ERC1: variants seen among roughly 807,000 people sequenced by gnomAD.
The protein encoded by ERC1 is RAB6 interacting protein 2.
A neutral mutation model predicts 132.0 loss-of-function variants in ERC1; 56 were observed. The ratio of observed to expected loss-of-function variants is 0.42; its 90% CI spans 0.34 to 0.53. The LOEUF is 0.53. ERC1 is among the 20% of genes least tolerant of loss of function. The probability of loss-of-function intolerance (pLI) is 0.03; values close to 1 mark genes in which losing one functional copy is unlikely to be tolerated. For missense variants in ERC1, 1,202 were observed against 1,349.9 expected (o/e 0.89, Z 1.72); for synonymous variants, 478 against 476.1 (o/e 1.00, Z -0.05).
At chr12:1,368,931 G>A (rs1345495347) in intron 15 of ERC1, among the ~76,000 whole-genome samples, 3 of 152,128 alleles carry the variant, frequency 2.0e-5, no homozygotes, top group African/African-American at 7.2e-5. Context: ...AGTGTCAGGA[G>A]TATACGTTGT....
intron 14 of ERC1, among the ~76,000 whole-genome samples, chr12:1,280,590 T>G (rs16928342): frequency 0.029 from 4,390 of 152,274 alleles, 216 homozygotes; most frequent in African/African-American, 0.1. Context: ...AAGAAATTAT[T>G]ATCCCCACAA....
At chr12:1,117,621 G>A (rs1046396583) in intron 7 of ERC1, among the ~76,000 whole-genome samples, 2 of 152,146 alleles carry the variant, frequency 1.3e-5, no homozygotes, top group Admixed American at 6.5e-5. Flanking sequence ...CACTTTTCAC[G>A]TCTGTAAGGT....
chr12:1,006,700 C>CT (rs58641303), intron 1 of ERC1, among the ~76,000 whole-genome samples: 18,246 of 151,778 alleles, frequency 0.12, 1,651 homozygotes, highest in African/African-American at 0.25. Flanking sequence ...CTGGCCTTTT[C>CT]TTTTTTTATT....
intron 14 of ERC1, among the ~76,000 whole-genome samples, chr12:1,282,335 A>G (rs1052375946): frequency 3.3e-5 from 5 of 152,186 alleles, no homozygotes; most frequent in African/African-American, 1.2e-4. Context: ...AATGAGGATA[A>G]TAATACTTTA....
At chr12:1,131,981 A>G (rs1948809995) in intron 7 of ERC1, among the ~76,000 whole-genome samples, 2 of 152,220 alleles carry the variant, frequency 1.3e-5, no homozygotes, top group African/African-American at 4.8e-5. Flanking sequence ...TCCTCCTGCC[A>G]GGACTGGTGT....
chr12:1,464,757 C>T (rs989695291), intron 18 of ERC1, among the ~76,000 whole-genome samples: 2 of 151,666 alleles, frequency 1.3e-5, no homozygotes, highest in Non-Finnish European at 2.9e-5. Context: ...CTTGACCTCA[C>T]GATCTGCCCA....
intron 3 of ERC1, among the ~76,000 whole-genome samples, chr12:1,103,204 C>G (rs1445327390): frequency 6.6e-6 from 1 of 152,214 alleles, no homozygotes. Flanking sequence ...GAAGTGAAGT[C>G]TTCCCCTAGC....
At position 1,400,929 on chromosome 12, in the gene ERC1, T is replaced by A. The variant is rs1338099730; in HGVS notation, c.2926-7220T>A. The stretch of plus-strand genomic sequence containing the variant: ...GGCTATTTTTGTATTTTTTTTTTTT[T>A]TTTTTTTTTTTTTTTTTTTTTTTTG... On this transcript the variant is annotated intron_variant, in intron 16 of 18. Coordinates refer to ENST00000360905, the MANE Select transcript of ERC1 (RefSeq NM_178040.4). Among the ~76,000 whole-genome samples, 10 of 83,720 alleles carry A rather than the reference T, an allele frequency of 1.2e-4. 1 individual carries two copies. The highest frequency in any genetic ancestry group is 3.0e-4 in the African/African-American group (6 of 19,944). The allele number at this position is 83,720 out of a possible 152,430, so 54.9% of individuals were successfully genotyped here.
chr12:1,098,874 C>A lies in ERC1; in HGVS notation c.1087-5876C>A, dbSNP rs138344456. On this transcript the variant is annotated intron_variant, in intron 3 of 18. Coordinates refer to ENST00000360905, the MANE Select transcript of ERC1 (RefSeq NM_178040.4). ...TAGAACTGATCACCTGGTCACTGGTCTAATTTAGACCTGGAGGTCTGATTT... is the reference window on the plus strand; with the variant it reads ...TAGAACTGATCACCTGGTCACTGGTATAATTTAGACCTGGAGGTCTGATTT... Among the ~76,000 whole-genome samples the A allele has an allele frequency of 3.4e-3, 512 of 152,246 alleles. 4 individuals carry two copies. Among genetic ancestry groups the A allele is most frequent in the African/African-American group, 0.012 (481 of 41,544 alleles).
chr12:1,253,109 C>G (rs1355873563), intron 13 of ERC1, among the ~76,000 whole-genome samples: 1 of 152,094 alleles, frequency 6.6e-6, no homozygotes, highest in Non-Finnish European at 1.5e-5. Flanking sequence ...ACTTCCATTA[C>G]CGTGTCAGAA....
chr12:1,476,741 A>T (rs1050977063), intron 18 of ERC1, among the ~76,000 whole-genome samples: 2 of 152,210 alleles, frequency 1.3e-5, no homozygotes, highest in Non-Finnish European at 2.9e-5. Context: ...AGCTTTACAC[A>T]GGTCTATACC....
At chr12:1,351,555 G>C (rs2084999390) in intron 15 of ERC1, among the ~76,000 whole-genome samples, 2 of 152,172 alleles carry the variant, frequency 1.3e-5, no homozygotes, top group Non-Finnish European at 2.9e-5. Flanking sequence ...GATTACGTAT[G>C]ATGTGGAGCA....
At chr12:1,205,555 C>T (rs1021054125) in intron 12 of ERC1, among the ~76,000 whole-genome samples, 2 of 151,872 alleles carry the variant, frequency 1.3e-5, no homozygotes, top group African/African-American at 4.8e-5. Flanking sequence ...AATTTATGCC[C>T]CCTGCCCATT....
intron 2 of ERC1, among the ~76,000 whole-genome samples, chr12:1,076,088 C>A (rs948350817): frequency 6.6e-6 from 1 of 152,114 alleles, no homozygotes; most frequent in African/African-American, 2.4e-5. Context: ...TTTTGTCTTT[C>A]TTGAATATTG....
intron 3 of ERC1, among the ~76,000 whole-genome samples, chr12:1,092,654 C>T (rs1376900216): frequency 6.6e-6 from 1 of 152,164 alleles, no homozygotes; most frequent in Non-Finnish European, 1.5e-5. Flanking sequence ...CTAACTCTTG[C>T]AATCAGTATT....
At chr12:1,480,794 T>C in intron 18 of ERC1, 1 of 702,266 alleles carries the variant, frequency 1.4e-6, no homozygotes, top group Non-Finnish European at 2.6e-6. Context: ...TAATACCTTT[T>C]AGGGGAAGTT....
At chr12:1,093,205 C>T (rs183124254) in intron 3 of ERC1, among the ~76,000 whole-genome samples, 10 of 152,270 alleles carry the variant, frequency 6.6e-5, no homozygotes, top group African/African-American at 1.7e-4. Flanking sequence ...TTCTCCCCCC[C>T]AAAAGCCGAG....
At position 1,256,124 on chromosome 12, in the gene ERC1, T is replaced by G. The variant is rs185254850; in HGVS notation, c.2488-6910T>G. On this transcript the variant is annotated intron_variant, in intron 13 of 18. Coordinates refer to ENST00000360905, the MANE Select transcript of ERC1 (RefSeq NM_178040.4). Reference sequence around the variant, plus strand: ...TTCTTGTAAATTTGTTTAAGTTCTTTGTAGATTCTGGATATTAGCCCTTTG... The same window carrying G: ...TTCTTGTAAATTTGTTTAAGTTCTTGGTAGATTCTGGATATTAGCCCTTTG... Among the ~76,000 whole-genome samples, 4 of 152,180 alleles carry G rather than the reference T, an allele frequency of 2.6e-5. No individual in the cohort carries two copies. In the East Asian group the frequency reaches 7.7e-4, roughly 29 times the overall value.
chr12:1,278,206 G>C (rs1207839103), intron 14 of ERC1, among the ~76,000 whole-genome samples: 1 of 152,214 alleles, frequency 6.6e-6, no homozygotes, highest in Non-Finnish European at 1.5e-5. Flanking sequence ...TCTCTGGCTT[G>C]TTGAAAGAAG....
Sources: allele counts gnomAD v4.1 joint callset (sites outside exome capture counted in the v4.1 genomes callset), GRCh38; gene constraint gnomAD v4.1.1; transcripts MANE v1.5; gene names NCBI Gene and HGNC (gene_info 2026-07-23, HGNC 2026-07-21).